Variants in ARHGEF7 observed in about 807,000 individuals in gnomAD.
ARHGEF7 encodes PAK-interacting exchange factor beta.
Under a neutral mutation model 109.8 loss-of-function variants are expected in ARHGEF7, and 33 were observed. The observed-to-expected ratio is 0.30, with a 90% CI of 0.23 to 0.40. The LOEUF (loss-of-function observed/expected upper bound fraction) is 0.40. Ranked by LOEUF, ARHGEF7 falls within the 10% of genes least tolerant of loss-of-function variation. The pLI is 1.00. For missense variants in ARHGEF7, 938 were observed against 1,098.5 expected (o/e 0.85, Z 2.07); for synonymous variants, 458 against 424.6 (o/e 1.08, Z -0.97).
chr13:111,240,997 G>A (rs2087675966), intron 6 of ARHGEF7: 2 of 664,512 alleles, frequency 3.0e-6, no homozygotes, highest in South Asian at 4.8e-5. Flanking sequence ...CTTTAATGAT[G>A]CAACGAATAA....
At chr13:111,224,705 C>T (rs2084950029) in intron 5 of ARHGEF7, among the ~76,000 whole-genome samples, 1 of 152,178 alleles carries the variant, frequency 6.6e-6, no homozygotes, top group African/African-American at 2.4e-5. Flanking sequence ...CAACACGCAG[C>T]TGAATTTTGG....
chr13:111,115,833 C>G (rs546433917), intron 1 of ARHGEF7, 142 bp downstream of exon 1: 125 of 318,116 alleles, frequency 3.9e-4, no homozygotes, highest in South Asian at 3.5e-3. Context: ...GCGGCCGGCG[C>G]CAGGACCGTG....
chr13:111,153,577 C>T (rs1246072962), intron 1 of ARHGEF7: 11 of 1,070,206 alleles, frequency 1.0e-5, no homozygotes, highest in Middle Eastern at 4.0e-4. Flanking sequence ...GCTGCGTCCG[C>T]GGGGGCGAAC....
At chr13:111,207,952 A>G (rs2082082240) in intron 3 of ARHGEF7, among the ~76,000 whole-genome samples, 1 of 152,240 alleles carries the variant, frequency 6.6e-6, no homozygotes, top group Non-Finnish European at 1.5e-5. Context: ...CTTTTAAACT[A>G]TAGGAATGAC....
chr13:111,221,292 T>C (rs867093409), intron 5 of ARHGEF7, among the ~76,000 whole-genome samples: 1 of 45,154 alleles, frequency 2.2e-5, no homozygotes, highest in African/African-American at 9.9e-5. Flanking sequence ...TCTATATAGA[T>C]ATATATGTCT....
At chr13:111,118,543 G>C (rs975518931) in intron 1 of ARHGEF7, among the ~76,000 whole-genome samples, 1 of 152,112 alleles carries the variant, frequency 6.6e-6, no homozygotes, top group South Asian at 2.1e-4. Context: ...GAGGGGTCAG[G>C]ATGTTTGGCT....
chr13:111,217,879 C>T lies in ARHGEF7; in HGVS notation c.669C>T (p.Ser223=), dbSNP rs41275140. The T allele has an allele frequency of 0.011, 17,210 of 1,608,802 alleles. 145 individuals are homozygous for T. Among genetic ancestry groups the T allele is most frequent in the Non-Finnish European group, 0.012 (14,296 of 1,176,072 alleles). Residue 223 remains serine (S), a splice_region_variant and synonymous_variant, in exon 5 of 22, where the codon AGC becomes AGT. Coordinates refer to ENST00000646102, the MANE Select transcript of ARHGEF7 (RefSeq NM_001354046.2). The part of the protein sequence containing the change: ...PSNYVREVKA[S]EKPVSPKSGT... Reference sequence around the variant, plus strand: ...ACTACGTGCGCGAGGTCAAGGCCAGCGGTAAGTGGCCGAGCCTGGGCTGTG... The same window carrying T: ...ACTACGTGCGCGAGGTCAAGGCCAGTGGTAAGTGGCCGAGCCTGGGCTGTG...
chr13:111,116,009 G>C (rs2066737963), intron 1 of ARHGEF7, among the ~76,000 whole-genome samples: 1 of 151,990 alleles, frequency 6.6e-6, no homozygotes, highest in South Asian at 2.1e-4. Context: ...GCCCCTCCGC[G>C]TGGGGGGCCG....
chr13:111,160,001 T>G (rs2076626000), intron 2 of ARHGEF7, among the ~76,000 whole-genome samples: 1 of 152,200 alleles, frequency 6.6e-6, no homozygotes, highest in Non-Finnish European at 1.5e-5. Flanking sequence ...TACATTTAAG[T>G]CTTTAGTCCA....
chr13:111,202,168 G>A (rs547010425), intron 2 of ARHGEF7, among the ~76,000 whole-genome samples: 1 of 152,334 alleles, frequency 6.6e-6, no homozygotes, highest in East Asian at 1.9e-4. Context: ...GGTGCGAAGT[G>A]TGTCTGTGCA....
chr13:111,278,189 G>A (rs1032684979), intron 13 of ARHGEF7, among the ~76,000 whole-genome samples: 1 of 152,236 alleles, frequency 6.6e-6, no homozygotes, highest in Non-Finnish European at 1.5e-5. Flanking sequence ...TGTGACAGCA[G>A]ATTTGGGAAG....
At chr13:111,169,540 C>T (rs1177627855) in intron 2 of ARHGEF7, among the ~76,000 whole-genome samples, 2 of 152,142 alleles carry the variant, frequency 1.3e-5, no homozygotes, top group African/African-American at 2.4e-5. Flanking sequence ...CTGCCCCTCA[C>T]GATCCAGTCA....
chr13:111,214,069 T>G (rs1403087075), intron 4 of ARHGEF7, among the ~76,000 whole-genome samples: 1 of 152,244 alleles, frequency 6.6e-6, no homozygotes, highest in African/African-American at 2.4e-5. Flanking sequence ...TACCTGGATC[T>G]GAAACAGCTG....
rs2092194203 is a variant in ARHGEF7 at position 111,272,028 on chromosome 13, G to A, written c.1074-1786G>A. The stretch of plus-strand genomic sequence containing the variant: ...CTGGTTTTGTAGAAAGCGTTGAGAT[G>A]TAAGTGGCCTTCTCAGAAGGTCTTA... On this transcript the variant is annotated intron_variant, in intron 9 of 21. Coordinates refer to ENST00000646102, the MANE Select transcript of ARHGEF7 (RefSeq NM_001354046.2). The surrounding 1 kb of genome is among the most constrained non-coding windows in gnomAD (Gnocchi z 5.2). Among the ~76,000 whole-genome samples, 1 of 152,202 alleles carries A rather than the reference G, an allele frequency of 6.6e-6. No individual in the cohort carries two copies. The highest frequency in any genetic ancestry group is 1.5e-5 in the Non-Finnish European group (1 of 68,030).
In ARHGEF7 at chr13:111,258,002, C is replaced by T. The variant is rs765621565; in HGVS notation, c.951-9546C>T. On this transcript the variant is annotated intron_variant, in intron 8 of 21. Transcript: ENST00000646102. This position sits in a 1 kb window ranked among gnomAD's most constrained non-coding sequence, Gnocchi z 4.4. The stretch of plus-strand genomic sequence containing the variant: ...TGAAAGAGAGTCTAGGCCACAAGGA[C>T]TGCACTTCCTGGCTAAGACCTAGTG... Among the ~76,000 whole-genome samples, 6 of 152,242 alleles carry T rather than the reference C, an allele frequency of 3.9e-5. No homozygotes were observed. Among genetic ancestry groups the T allele is most frequent in the Admixed American group, 2.6e-4 (4 of 15,286 alleles).
At chr13:111,185,871 G>A (rs566413302) in intron 2 of ARHGEF7, among the ~76,000 whole-genome samples, 1 of 152,098 alleles carries the variant, frequency 6.6e-6, no homozygotes, top group Non-Finnish European at 1.5e-5. Context: ...TTTCCTGGCT[G>A]GCAGTGTGGT....
At chr13:111,234,786 T>A (rs2086575974) in intron 6 of ARHGEF7, among the ~76,000 whole-genome samples, 1 of 152,146 alleles carries the variant, frequency 6.6e-6, no homozygotes, top group African/African-American at 2.4e-5. Context: ...CCATCTCAAC[T>A]TTGTGGACTT....
chr13:111,149,027 G>A (rs1022583188), intron 1 of ARHGEF7, among the ~76,000 whole-genome samples: 5 of 152,128 alleles, frequency 3.3e-5, no homozygotes, highest in African/African-American at 1.2e-4. Flanking sequence ...AACAAGCGAT[G>A]CTGGGCCATA....
chr13:111,173,150 A>C (rs1566704218), intron 2 of ARHGEF7, among the ~76,000 whole-genome samples: 1 of 151,998 alleles, frequency 6.6e-6, no homozygotes, highest in Non-Finnish European at 1.5e-5. Context: ...CTTTTCACAG[A>C]GTTGGTGTCA....
Sources: gnomAD v4.1 joint callset for allele counts (sites outside exome capture counted in the v4.1 genomes callset) on GRCh38, gnomAD v4.1.1 for gene constraint, Gnocchi (gnomAD v3.1) non-coding constraint, MANE v1.5 for transcripts, NCBI Gene and HGNC (gene_info 2026-07-23, HGNC 2026-07-21) for gene names.